ASXL2: variants seen among roughly 807,000 people sequenced by gnomAD.
ASXL2 encodes the protein ASXL transcriptional regulator 2, also known as putative Polycomb group protein ASXL2.
A neutral mutation model predicts 122.0 loss-of-function variants in ASXL2; 23 were observed. That is an observed-to-expected ratio of 0.19 (90% CI 0.14 to 0.27). ASXL2 has a LOEUF of 0.27. Among genes scored for constraint, ASXL2 ranks in the 10% least tolerant of loss-of-function variants. ASXL2 has a pLI of 1.00. For missense variants in ASXL2, 1,518 were observed against 1,713.8 expected (o/e 0.89, Z 2.02); for synonymous variants, 650 against 637.0 (o/e 1.02, Z -0.31).
At chr2:25,804,618 G>A (rs1484738266) in intron 4 of ASXL2, among the ~76,000 whole-genome samples, 2 of 152,188 alleles carry the variant, frequency 1.3e-5, no homozygotes, top group African/African-American at 4.8e-5. Context: ...CCTGGATCCA[G>A]CCTGGGTTTC....
chr2:25,814,725 T>G (rs2089212878), intron 3 of ASXL2, among the ~76,000 whole-genome samples: 1 of 152,224 alleles, frequency 6.6e-6, no homozygotes, highest in South Asian at 2.1e-4. Context: ...TAGTTCTCTC[T>G]GTAATAAAAG....
At chr2:25,872,592 AAATT>A (rs1182576334) in intron 1 of ASXL2, among the ~76,000 whole-genome samples, 1 of 152,196 alleles carries the variant, frequency 6.6e-6, no homozygotes, top group Non-Finnish European at 1.5e-5. Flanking sequence ...ATCACTAGCA[AAATT>A]AATAAAGAAG....
intron 2 of ASXL2, among the ~76,000 whole-genome samples, chr2:25,842,669 A>G (rs1490412855): frequency 6.6e-6 from 1 of 151,668 alleles, no homozygotes; most frequent in East Asian, 1.9e-4. Flanking sequence ...AGGTACTTTT[A>G]AAAGCTAATT....
chr2:25,841,168 C>T (rs1378074045), intron 2 of ASXL2, among the ~76,000 whole-genome samples: 1 of 152,110 alleles, frequency 6.6e-6, no homozygotes, highest in Non-Finnish European at 1.5e-5. Flanking sequence ...GTGGCACATG[C>T]ACCTCTCAAC....
At chr2:25,803,407 A>T (rs1276214262) in intron 4 of ASXL2, among the ~76,000 whole-genome samples, 1 of 152,232 alleles carries the variant, frequency 6.6e-6, no homozygotes, top group Non-Finnish European at 1.5e-5. Flanking sequence ...TTATAACCAG[A>T]CAGTCAGAAG....
intron 5 of ASXL2, among the ~76,000 whole-genome samples, chr2:25,776,169 C>T (rs1448516399): frequency 1.3e-5 from 2 of 152,080 alleles, no homozygotes; most frequent in Non-Finnish European, 2.9e-5. Flanking sequence ...CATCTTTTAC[C>T]CCATCTATGT....
chr2:25,876,558 T>A (rs541559861), intron 1 of ASXL2, among the ~76,000 whole-genome samples: 1 of 152,194 alleles, frequency 6.6e-6, no homozygotes, highest in Non-Finnish European at 1.5e-5. Context: ...GAACTTAAAA[T>A]TAATTAGCAT....
chr2:25,848,244 C>T (rs2089671904), intron 1 of ASXL2, among the ~76,000 whole-genome samples: 1 of 152,154 alleles, frequency 6.6e-6, no homozygotes, highest in African/African-American at 2.4e-5. Context: ...AAAATTAATA[C>T]TTTCTAATAT....
intron 5 of ASXL2, among the ~76,000 whole-genome samples, chr2:25,782,727 G>C (rs1490111705): frequency 6.6e-6 from 1 of 152,150 alleles, no homozygotes. Flanking sequence ...CAATTTTATT[G>C]AGCATAAAAT....
intron 5 of ASXL2, among the ~76,000 whole-genome samples, chr2:25,775,528 C>T (rs2088532734): frequency 6.6e-6 from 1 of 152,126 alleles, no homozygotes; most frequent in African/African-American, 2.4e-5. Flanking sequence ...GGGGCAGCTT[C>T]CCCCACGTTG....
intron 1 of ASXL2, among the ~76,000 whole-genome samples, chr2:25,871,303 A>G (rs2089960503): frequency 6.6e-6 from 1 of 152,118 alleles, no homozygotes; most frequent in Non-Finnish European, 1.5e-5. Flanking sequence ...GGGGGGAAAA[A>G]TGTCCCACAG....
At chr2:25,813,826 G>A (rs921463700) in intron 3 of ASXL2, among the ~76,000 whole-genome samples, 9 of 152,292 alleles carry the variant, frequency 5.9e-5, no homozygotes, top group African/African-American at 1.9e-4. Context: ...CAAGGCAGGC[G>A]GATCATGAGG....
intron 5 of ASXL2, among the ~76,000 whole-genome samples, chr2:25,788,909 T>G (rs1347679298): frequency 6.6e-6 from 1 of 152,198 alleles, no homozygotes; most frequent in South Asian, 2.1e-4. Flanking sequence ...AACTTCTTAA[T>G]GTACCCAGTA....
intron 3 of ASXL2, among the ~76,000 whole-genome samples, chr2:25,821,017 T>C (rs1422370923): frequency 6.6e-6 from 1 of 151,778 alleles, no homozygotes; most frequent in Non-Finnish European, 1.5e-5. Context: ...CCGTCTCTAC[T>C]AAAAACACAA....
At chr2:25,785,598 G>A (rs2088731805) in intron 5 of ASXL2, among the ~76,000 whole-genome samples, 1 of 152,042 alleles carries the variant, frequency 6.6e-6, no homozygotes, top group African/African-American at 2.4e-5. Context: ...CCTGGCTGGA[G>A]TGCAATGATG....
At chr2:25,783,978 C>T (rs1217697745) in intron 5 of ASXL2, among the ~76,000 whole-genome samples, 5 of 151,704 alleles carry the variant, frequency 3.3e-5, no homozygotes, top group Non-Finnish European at 5.9e-5. Context: ...TGCTTGAAAT[C>T]GGAAGGCGGA....
At chr2:25,750,533 C>A in intron 11 of ASXL2, 120 bp from the exon 12 acceptor site, 1 of 874,724 alleles carries the variant, frequency 1.1e-6, no homozygotes. Flanking sequence ...AGCAGGTATT[C>A]ATGTATTATC....
intron 11 of ASXL2, 61 bp downstream of exon 11, chr2:25,753,473 G>C: frequency 1.7e-6 from 2 of 1,174,156 alleles, no homozygotes; most frequent in Non-Finnish European, 2.4e-6. Flanking sequence ...ATGAGATAAA[G>C]CACTACATGA....
At position 25,742,876 on chromosome 2, in the gene ASXL2, C is replaced by G. The variant is rs2087857616; in HGVS notation, c.3461G>C (p.Ser1154Thr). The change falls in exon 13 of 13, where the codon AGC (serine) becomes ACC (threonine). Residue 1154 changes from serine to threonine, a missense_variant. Physicochemically the swap from Ser to Thr is moderately conservative, Grantham distance 58. This residue lies in a region of ASXL2 where 831 missense variants were observed against 833.1 expected (regional missense o/e 1.00). Coordinates refer to ENST00000435504, the MANE Select transcript of ASXL2 (RefSeq NM_018263.6). Reference protein sequence around the residue: ...VNPEDRFCLSSPTEALKMGYT... With the variant: ...VNPEDRFCLSTPTEALKMGYT... ...TCCCATTTTCAAGGCTTCAGTGGGG[C>G]TGCTTAGACAAAAACGATCTTCAGG... The G allele has an allele frequency of 1.2e-6, 2 of 1,613,878 alleles. No individual in the cohort carries two copies. The highest frequency in any genetic ancestry group is 3.3e-5 in the Admixed American group (2 of 60,002).
Sources: gnomAD v4.1 joint callset for allele counts (sites outside exome capture counted in the v4.1 genomes callset) on GRCh38, gnomAD v4.1.1 for gene constraint, gnomAD v4.1.1 regional missense constraint, MANE v1.5 for transcripts, NCBI Gene and HGNC (gene_info 2026-07-23, HGNC 2026-07-21) for gene names.